NDUFB2: variants seen among roughly 807,000 people sequenced by gnomAD.
The protein encoded by NDUFB2 is NADH dehydrogenase [ubiquinone] 1 beta subcomplex subunit 2, mitochondrial.
NDUFB2 carries 13 observed loss-of-function variants against 13.4 expected under a neutral mutation model. The ratio of observed to expected loss-of-function variants is 0.97; its 90% CI spans 0.63 to 1.54. NDUFB2 has a LOEUF of 1.54. Among genes scored for constraint, NDUFB2 ranks in the 40% most tolerant of loss-of-function variants. The pLI is 0.00. For missense variants in NDUFB2, 150 were observed against 139.7 expected (o/e 1.07, Z -0.37); for synonymous variants, 47 against 50.6 (o/e 0.93, Z 0.30).
At chr7:140,704,762 G>GTT (rs75730176) in intron 2 of NDUFB2, 98 bp from the exon 3 acceptor site, 1,182 of 628,774 alleles carry the variant, frequency 1.9e-3, no homozygotes, top group South Asian at 4.2e-3. Flanking sequence ...GAGCCATATT[G>GTT]TTTTTTTTTT....
At chr7:140,701,648 A>C (rs979733652) in intron 1 of NDUFB2, among the ~76,000 whole-genome samples, 1 of 151,852 alleles carries the variant, frequency 6.6e-6, no homozygotes, top group Non-Finnish European at 1.5e-5. Flanking sequence ...AAAACAAACA[A>C]AACAGCCGGG....
chr7:140,698,879 C>G (rs777415823), intron 1 of NDUFB2, among the ~76,000 whole-genome samples: 3 of 152,124 alleles, frequency 2.0e-5, no homozygotes, highest in African/African-American at 7.2e-5. Context: ...TAACTTTGTC[C>G]AGGCGCGGTG....
At chr7:140,699,183 T>C (rs1794863070) in intron 1 of NDUFB2, among the ~76,000 whole-genome samples, 2 of 152,118 alleles carry the variant, frequency 1.3e-5, no homozygotes, top group East Asian at 3.8e-4. Flanking sequence ...AAAATGTAAC[T>C]AATAGAGTTA....
intron 1 of NDUFB2, chr7:140,701,908 C>G (rs1199457925): frequency 1.2e-5 from 7 of 560,852 alleles, no homozygotes; most frequent in Admixed American, 5.6e-5. Context: ...TGCACTCCAG[C>G]CTGGGTGACA....
intron 1 of NDUFB2, chr7:140,702,015 C>T (rs1186996983): frequency 1.4e-6 from 1 of 701,590 alleles, no homozygotes; most frequent in Non-Finnish European, 2.6e-6. Flanking sequence ...CGAATCTGTG[C>T]ATTATGAAGA....
intron 1 of NDUFB2, chr7:140,700,658 A>T (rs1365645877): frequency 1.3e-5 from 2 of 151,878 alleles, no homozygotes; most frequent in East Asian, 3.9e-4. Context: ...GCATGGTGGC[A>T]CATGCCTGTA....
At chr7:140,701,461 A>T (rs1383137792) in intron 1 of NDUFB2, among the ~76,000 whole-genome samples, 2 of 152,198 alleles carry the variant, frequency 1.3e-5, no homozygotes, top group South Asian at 2.1e-4. Flanking sequence ...CTACAAAAAA[A>T]ATATAAAAAT....
At chr7:140,697,027 GGAGA>G in intron 1 of NDUFB2, 185 bp downstream of exon 1, 1 of 619,668 alleles carries the variant, frequency 1.6e-6, no homozygotes, top group South Asian at 1.9e-5. Flanking sequence ...GGAGGGAGAG[GGAGA>G]GACTTCGCTG....
intron 1 of NDUFB2, among the ~76,000 whole-genome samples, chr7:140,698,862 A>T (rs1001017675): frequency 2.0e-5 from 3 of 152,274 alleles, no homozygotes; most frequent in African/African-American, 4.8e-5. Flanking sequence ...TTTATTTTTT[A>T]AAAATGTAAC....
intron 3 of NDUFB2, chr7:140,706,229 T>G (rs1028366334): frequency 1.3e-5 from 2 of 152,106 alleles, no homozygotes; most frequent in Non-Finnish European, 2.9e-5. Flanking sequence ...TAGCTGGGAC[T>G]ACTACTCTTG....
At chr7:140,705,842 A>T (rs1206676365) in intron 3 of NDUFB2, among the ~76,000 whole-genome samples, 1 of 152,188 alleles carries the variant, frequency 6.6e-6, no homozygotes, top group African/African-American at 2.4e-5. Flanking sequence ...GAACTATATG[A>T]AAACTAACTC....
intron 3 of NDUFB2, chr7:140,706,046 A>ATGT (rs1416933948): frequency 0.012 from 1,600 of 136,054 alleles, 33 homozygotes; most frequent in African/African-American, 0.041. Context: ...ATGTTATGTT[A>ATGT]TGTTATGTTA....
chr7:140,701,656 G>A (rs930506769), intron 1 of NDUFB2, among the ~76,000 whole-genome samples: 2 of 151,840 alleles, frequency 1.3e-5, no homozygotes, highest in South Asian at 2.1e-4. Flanking sequence ...CAAAACAGCC[G>A]GGCACGTGGC....
chr7:140,698,231 C>T, intron 1 of NDUFB2: 1 of 1,351,866 alleles, frequency 7.4e-7, no homozygotes, highest in Non-Finnish European at 9.8e-7. Context: ...GCCCTTGGTC[C>T]TGCATGAGGA....
intron 1 of NDUFB2, 180 bp downstream of exon 1, chr7:140,697,022 G>A: frequency 1.6e-6 from 1 of 623,686 alleles, no homozygotes; most frequent in Non-Finnish European, 2.8e-6. Context: ...TGGCCGGAGG[G>A]AGAGGGAGAG....
chr7:140,703,209 A>G (rs1225937992), intron 2 of NDUFB2, among the ~76,000 whole-genome samples, 199 bp downstream of exon 2: 2 of 150,898 alleles, frequency 1.3e-5, no homozygotes, highest in Middle Eastern at 3.2e-3. Context: ...ACGAGGATGT[A>G]TATTTAGGTG....
chr7:140,698,817 T>C (rs889625439), intron 1 of NDUFB2, among the ~76,000 whole-genome samples: 2 of 152,118 alleles, frequency 1.3e-5, no homozygotes, highest in African/African-American at 2.4e-5. Context: ...CAGGGAGCCA[T>C]TGGAGTTTTA....
chr7:140,705,952 C>T (rs986683691), intron 3 of NDUFB2, among the ~76,000 whole-genome samples: 14 of 151,968 alleles, frequency 9.2e-5, no homozygotes, highest in African/African-American at 3.4e-4. Context: ...TCCCTTTCCT[C>T]ATAAACCCCT....
At chr7:140,698,306 G>T (rs190791909) in intron 1 of NDUFB2, 1 of 1,350,500 alleles carries the variant, frequency 7.4e-7, no homozygotes, top group East Asian at 4.5e-5. Flanking sequence ...GTTTCAGAGT[G>T]TGTGATAATT....
Sources: allele counts gnomAD v4.1 joint callset (sites outside exome capture counted in the v4.1 genomes callset), GRCh38; gene constraint gnomAD v4.1.1; transcripts MANE v1.5; gene names NCBI Gene and HGNC (gene_info 2026-07-23, HGNC 2026-07-21).